The following FRY variants were observed in gnomAD, a reference collection of about 807,000 sequenced individuals.
FRY encodes FRY microtubule binding protein, also known as protein furry homolog.
In FRY, 128 loss-of-function variants were observed where a neutral mutation model predicts 348.4. The ratio of observed to expected loss-of-function variants is 0.37; its 90% CI spans 0.32 to 0.43. The LOEUF (loss-of-function observed/expected upper bound fraction) is 0.43, where lower values mean the gene tolerates loss of function less well. FRY is among the 20% of genes least tolerant of loss of function. FRY has a pLI of 1.00. For missense variants in FRY, 2,736 were observed against 3,695.2 expected (o/e 0.74, Z 6.73); for synonymous variants, 1,370 against 1,374.7 (o/e 1.00, Z 0.08).
At chr13:32,077,071 G>A (rs113469692) in intron 1 of FRY, among the ~76,000 whole-genome samples, 1,875 of 152,284 alleles carry the variant, frequency 0.012, 46 homozygotes, top group African/African-American at 0.043. Flanking sequence ...GAAGAGATGG[G>A]CAGAAAAGAA....
intron 1 of FRY, among the ~76,000 whole-genome samples, chr13:32,036,690 T>G (rs1333097830): frequency 6.6e-6 from 1 of 151,860 alleles, no homozygotes; most frequent in East Asian, 1.9e-4. Context: ...ACCACTCTGT[T>G]TATTATCTTC....
At chr13:32,249,422 G>T in intron 48 of FRY, 104 bp from the exon 49 acceptor site, 1 of 1,251,764 alleles carries the variant, frequency 8.0e-7, no homozygotes, top group South Asian at 1.3e-5. Flanking sequence ...TCTCTAATCT[G>T]ATTTTTAATC....
chr13:32,202,164 T>A, intron 30 of FRY, 124 bp downstream of exon 30: 1 of 816,950 alleles, frequency 1.2e-6, no homozygotes, highest in Non-Finnish European at 2.1e-6. Context: ...CATTTGTGGC[T>A]ATGAAGAGTG....
chr13:32,251,407 T>A (rs1436125333), intron 49 of FRY, among the ~76,000 whole-genome samples: 2 of 152,216 alleles, frequency 1.3e-5, no homozygotes, highest in Non-Finnish European at 2.9e-5. Flanking sequence ...ATGCTGTAAC[T>A]TAATAAAGTG....
chr13:32,107,819 C>A (rs1365375244), intron 3 of FRY, among the ~76,000 whole-genome samples: 2 of 152,152 alleles, frequency 1.3e-5, no homozygotes, highest in Admixed American at 1.3e-4. Flanking sequence ...GCAGTATGGG[C>A]TATCCCTTCT....
chr13:32,180,787 G>A (rs1882659175), intron 23 of FRY, among the ~76,000 whole-genome samples: 1 of 152,094 alleles, frequency 6.6e-6, no homozygotes, highest in African/African-American at 2.4e-5. Context: ...AAACCTCCAA[G>A]CATTTATGAG....
chr13:32,295,079 A>G (rs1339350018), intron 60 of FRY, 123 bp from the exon 61 acceptor site: 1 of 828,790 alleles, frequency 1.2e-6, no homozygotes, highest in African/African-American at 1.7e-5. Flanking sequence ...ATTACCTGAT[A>G]CAGGAATTCC....
At chr13:32,166,015 T>G (rs1186194790) in intron 17 of FRY, among the ~76,000 whole-genome samples, 1 of 152,216 alleles carries the variant, frequency 6.6e-6, no homozygotes, top group Non-Finnish European at 1.5e-5. Context: ...ACGTGGCCTG[T>G]GCAGAATACA....
chr13:32,041,823 G>T (rs1291929449), intron 1 of FRY, among the ~76,000 whole-genome samples: 1 of 152,194 alleles, frequency 6.6e-6, no homozygotes, highest in East Asian at 1.9e-4. Context: ...GAAACCGCCA[G>T]TGCTTATCAT....
At chr13:32,246,888 G>T (rs1385072354) in intron 47 of FRY, among the ~76,000 whole-genome samples, 1 of 152,188 alleles carries the variant, frequency 6.6e-6, no homozygotes, top group African/African-American at 2.4e-5. Flanking sequence ...CAGAGATCAA[G>T]GTACCCAGGA....
At chr13:32,070,900 G>T (rs1462740995) in intron 1 of FRY, among the ~76,000 whole-genome samples, 1 of 152,154 alleles carries the variant, frequency 6.6e-6, no homozygotes, top group Non-Finnish European at 1.5e-5. Flanking sequence ...AAGGTGTAAG[G>T]AAGGGATCCA....
At chr13:32,224,095 C>T in intron 36 of FRY, 140 bp from the exon 37 acceptor site, 1 of 716,776 alleles carries the variant, frequency 1.4e-6, no homozygotes, top group Non-Finnish European at 2.2e-6. Flanking sequence ...GAGACCCTGT[C>T]CCTAAAAAAA....
chr13:32,226,994 G>A (rs1016963038), intron 39 of FRY, among the ~76,000 whole-genome samples: 1 of 152,194 alleles, frequency 6.6e-6, no homozygotes, highest in African/African-American at 2.4e-5. Context: ...GCTGCTCTAA[G>A]TCCTGAGGAT....
intron 3 of FRY, among the ~76,000 whole-genome samples, 176 bp downstream of exon 3, chr13:32,102,192 A>C (rs1340498845): frequency 2.0e-5 from 3 of 152,228 alleles, no homozygotes; most frequent in African/African-American, 7.2e-5. Flanking sequence ...TGTTCAGTAA[A>C]TGTCTATTGG....
At chr13:32,032,857 A>T (rs1029281035) in intron 1 of FRY, among the ~76,000 whole-genome samples, 1 of 152,244 alleles carries the variant, frequency 6.6e-6, no homozygotes, top group Non-Finnish European at 1.5e-5. Flanking sequence ...TATTATGTGC[A>T]TACTGATTAA....
At chr13:32,246,887 A>G (rs1337405477) in intron 47 of FRY, among the ~76,000 whole-genome samples, 3 of 152,234 alleles carry the variant, frequency 2.0e-5, no homozygotes, top group African/African-American at 4.8e-5. Flanking sequence ...ACAGAGATCA[A>G]GGTACCCAGG....
At chr13:32,073,457 C>T (rs895092958) in intron 1 of FRY, among the ~76,000 whole-genome samples, 3 of 152,128 alleles carry the variant, frequency 2.0e-5, no homozygotes, top group African/African-American at 7.2e-5. Flanking sequence ...GAGCAGGTCC[C>T]TCTAGCCACT....
chr13:32,232,346 T>TG (rs1198187968), intron 41 of FRY, among the ~76,000 whole-genome samples: 1 of 152,236 alleles, frequency 6.6e-6, no homozygotes, highest in African/African-American at 2.4e-5. Context: ...CAATTTTTAC[T>TG]GATTCTGATT....
rs754634733 is a variant in FRY at position 32,124,627 on chromosome 13, G to A, written c.581G>A (p.Ser194Asn). The A allele has an allele frequency of 1.6e-5, 26 of 1,595,498 alleles. No homozygotes were observed. The South Asian group carries it at 1.9e-4, about 12-fold the overall frequency. ...ATTCCACTTCATCCTGTAATAGACA[G>A]TTTAATACATGATGTTATTAACTTG... ...KQIPLHPVID[S>N]LIHDVINLAF... The change falls in exon 6 of 61, where the codon AGT (serine) becomes AAT (asparagine). Residue 194 changes from serine (S) to asparagine (N), a missense_variant. Transcript: ENST00000542859.
Sources: gnomAD v4.1 joint callset for allele counts (sites outside exome capture counted in the v4.1 genomes callset) on GRCh38, gnomAD v4.1.1 for gene constraint, MANE v1.5 for transcripts, NCBI Gene and HGNC (gene_info 2026-07-23, HGNC 2026-07-21) for gene names.